The following TAFA2 variants were observed in gnomAD, a reference collection of about 807,000 sequenced individuals.
TAFA2 encodes the protein chemokine-like protein TAFA-2.
Under a neutral mutation model 18.8 loss-of-function variants are expected in TAFA2, and 7 were observed. The ratio of observed to expected loss-of-function variants is 0.37; its 90% CI spans 0.21 to 0.70. The LOEUF (loss-of-function observed/expected upper bound fraction) is 0.70, where lower values mean the gene tolerates loss of function less well. Among genes scored for constraint, TAFA2 ranks in the 30% least tolerant of loss-of-function variants. TAFA2 has a pLI of 0.53. For synonymous variants in TAFA2, 60 were observed against 54.2 expected (o/e 1.11, Z -0.47); for missense variants, 122 against 158.1 (o/e 0.77, Z 1.23).
At chr12:61,733,449 A>T (rs1188851919) in intron 4 of TAFA2, among the ~76,000 whole-genome samples, 1 of 151,942 alleles carries the variant, frequency 6.6e-6, no homozygotes, top group African/African-American at 2.4e-5. Context: ...TAATTTTTGT[A>T]TAAGATGTAA....
chr12:62,177,756 A>G (rs1414317863), intron 1 of TAFA2, among the ~76,000 whole-genome samples: 3 of 152,140 alleles, frequency 2.0e-5, no homozygotes, highest in Non-Finnish European at 4.4e-5. Context: ...AGGACCCATT[A>G]TTGACTCTTT....
rs2136837834 is a variant in TAFA2, at chr12:62,093,412, G to T, written c.-2+97847C>A. ...AATAAATGCTTAATAGCAAGGTGCA[G>T]CACAGACAAAATCTATTGTATATTG... is the stretch of plus-strand genomic sequence containing the variant. On this transcript the variant is annotated intron_variant, in intron 1 of 4. Coordinates refer to ENST00000416284, the MANE Select transcript of TAFA2 (RefSeq NM_178539.5). Among the ~76,000 whole-genome samples, 3 of 152,100 alleles carry T rather than the reference G, an allele frequency of 2.0e-5. 1 individual carries two copies. The Middle Eastern group carries it at 0.01, about 517-fold the overall frequency.
intron 1 of TAFA2, among the ~76,000 whole-genome samples, chr12:62,050,280 T>A (rs1385656947): frequency 6.6e-6 from 1 of 152,006 alleles, no homozygotes; most frequent in Non-Finnish European, 1.5e-5. Context: ...GGAATTAAAA[T>A]TTTATCACAG....
At chr12:62,054,552 G>A (rs961899606) in intron 1 of TAFA2, among the ~76,000 whole-genome samples, 2 of 152,188 alleles carry the variant, frequency 1.3e-5, no homozygotes, top group African/African-American at 4.8e-5. Flanking sequence ...ATATTTTAAT[G>A]TGAATTACAT....
Position 62,153,863 on chromosome 12 carries a change from T to A in TAFA2, c.-2+37396A>T, listed in dbSNP as rs895659031. ...TATATATTTAGAGATGGAAGTCTCA[T>A]TATATTGCCCAAGTTGGAGTGAGCA... On this transcript the variant is annotated intron_variant, in intron 1 of 4. Coordinates refer to ENST00000416284, the MANE Select transcript of TAFA2 (RefSeq NM_178539.5). Among the ~76,000 whole-genome samples the A allele has an allele frequency of 3.9e-5, 6 of 152,226 alleles. No individual in the cohort carries two copies. In the South Asian group the frequency reaches 1.2e-3, roughly 32 times the overall value.
At chr12:62,098,851 T>TA (rs1869063462) in intron 1 of TAFA2, among the ~76,000 whole-genome samples, 2 of 152,208 alleles carry the variant, frequency 1.3e-5, no homozygotes, top group Admixed American at 1.3e-4. Flanking sequence ...GAGATATTAC[T>TA]ATGACTACCT....
At chr12:62,236,306 C>T (rs7135491) in intron 1 of TAFA2, among the ~76,000 whole-genome samples, 26,225 of 150,334 alleles carry the variant, frequency 0.17, 2,551 homozygotes, top group African/African-American at 0.26. Context: ...ACTCTGTCAC[C>T]CAGGCTGGAG....
intron 1 of TAFA2, among the ~76,000 whole-genome samples, chr12:62,026,813 T>G (rs1477866159): frequency 6.6e-6 from 1 of 152,236 alleles, no homozygotes; most frequent in Non-Finnish European, 1.5e-5. Flanking sequence ...TTTGGAATTG[T>G]AAATTTGCAT....
At chr12:61,787,397 T>C (rs1293109354) in intron 2 of TAFA2, among the ~76,000 whole-genome samples, 1 of 151,664 alleles carries the variant, frequency 6.6e-6, no homozygotes, top group Non-Finnish European at 1.5e-5. Flanking sequence ...CGTAAGTTTA[T>C]ATTCAAACTC....
At chr12:62,142,298 G>A (rs1464009991) in intron 1 of TAFA2, among the ~76,000 whole-genome samples, 1 of 152,086 alleles carries the variant, frequency 6.6e-6, no homozygotes, top group African/African-American at 2.4e-5. Flanking sequence ...AACATTTGTT[G>A]AATAAACGAA....
chr12:61,782,958 A>G lies in TAFA2; in HGVS notation c.107-27934T>C, dbSNP rs905613259. Among the ~76,000 whole-genome samples, 4 of 151,786 alleles carry G rather than the reference A, an allele frequency of 2.6e-5. No homozygotes were observed. The Admixed American group carries it at 2.6e-4, about 10-fold the overall frequency. On this transcript the variant is annotated intron_variant, in intron 2 of 4. Transcript: ENST00000416284. ...TTAATTTCCTGATAATAAAGAGCAC[A>G]ACTGACATTTATCATTTTTTTCCAG...
rs563855186 is a variant in TAFA2, at chr12:61,731,316, G to GT, written c.385-20900dup. On this transcript the variant is annotated intron_variant, in intron 4 of 4. Transcript: ENST00000416284. ...CAAGCTACATCTTGTGAATTCTTTTGTTTTTTCTGGTACGTTCCTGTGGTG... is the reference window on the plus strand; with the variant it reads ...CAAGCTACATCTTGTGAATTCTTTTGTTTTTTTCTGGTACGTTCCTGTGGTG... Among the ~76,000 whole-genome samples the GT allele has an allele frequency of 7.2e-4, 109 of 152,106 alleles. 1 individual carries two copies. The East Asian group carries it at 0.017, about 24-fold the overall frequency.
intron 1 of TAFA2, among the ~76,000 whole-genome samples, chr12:61,887,698 T>A (rs1473082781): frequency 4.7e-5 from 7 of 149,884 alleles, no homozygotes; most frequent in Non-Finnish European, 8.9e-5. Context: ...GGTTTTTTGT[T>A]CTTGCGATAG....
At chr12:62,215,236 T>G (rs1007312948) in intron 1 of TAFA2, among the ~76,000 whole-genome samples, 3 of 152,218 alleles carry the variant, frequency 2.0e-5, no homozygotes, top group African/African-American at 7.2e-5. Context: ...AGTCAATTTT[T>G]CACAAATTGT....
chr12:61,954,965 T>A (rs912176576), intron 1 of TAFA2, among the ~76,000 whole-genome samples: 1 of 152,170 alleles, frequency 6.6e-6, no homozygotes, highest in African/African-American at 2.4e-5. Flanking sequence ...TTATAACTGT[T>A]AGAAGCTTAC....
At chr12:61,918,266 C>T (rs571948523) in intron 1 of TAFA2, among the ~76,000 whole-genome samples, 208 of 152,156 alleles carry the variant, frequency 1.4e-3, no homozygotes, top group African/African-American at 4.7e-3. Context: ...TTTTTAACTA[C>T]TTTTTGTTCT....
intron 1 of TAFA2, among the ~76,000 whole-genome samples, chr12:61,932,227 G>A (rs1030272023): frequency 3.9e-5 from 6 of 152,208 alleles, no homozygotes; most frequent in African/African-American, 7.2e-5. Context: ...GCAGCCCATT[G>A]ATTCCAGCTG....
intron 4 of TAFA2, among the ~76,000 whole-genome samples, chr12:61,724,790 T>TATACACCAGATGG (rs1218348558): frequency 0.066 from 5,186 of 78,884 alleles, 133 homozygotes; most frequent in East Asian, 0.19. Flanking sequence ...TGTGTGTGTG[T>TATACACCAGATGG]GTGTGTGTGT....
intron 1 of TAFA2, among the ~76,000 whole-genome samples, chr12:61,900,819 G>C: frequency 6.6e-6 from 1 of 152,182 alleles, no homozygotes; most frequent in East Asian, 1.9e-4. Flanking sequence ...ATTTACCTGA[G>C]TGTTGCTGAA....
Sources: gnomAD v4.1 joint callset for allele counts (sites outside exome capture counted in the v4.1 genomes callset) on GRCh38, gnomAD v4.1.1 for gene constraint, MANE v1.5 for transcripts, NCBI Gene and HGNC (gene_info 2026-07-23, HGNC 2026-07-21) for gene names.